Variants in CPS1 observed in about 807,000 individuals in gnomAD.
CPS1 encodes the protein carbamoyl-phosphate synthase [ammonia], mitochondrial.
CPS1 carries 109 observed loss-of-function variants against 174.6 expected under a neutral mutation model. That is an observed-to-expected ratio of 0.62 (90% CI 0.53 to 0.73). The LOEUF is 0.73. Ranked by LOEUF, CPS1 falls within the 30% of genes least tolerant of loss-of-function variation. The pLI is 0.00. For synonymous variants in CPS1, 637 were observed against 632.0 expected, an observed-to-expected ratio of 1.01 and a Z score of -0.12; for missense variants, 1,689 against 1,821.9, an observed-to-expected ratio of 0.93 and a Z score of 1.33.
chr2:210,536,993 A>C (rs1411799866), intron 1 of CPS1, among the ~76,000 whole-genome samples: 1 of 152,224 alleles, frequency 6.6e-6, no homozygotes, highest in Non-Finnish European at 1.5e-5. Context: ...TTTATATCAT[A>C]TTCATGAACA....
At chr2:210,579,660 A>G in intron 4 of CPS1, 54 bp from the exon 5 acceptor site, 2 of 1,402,676 alleles carry the variant, frequency 1.4e-6, no homozygotes, top group Non-Finnish European at 2.0e-6. Flanking sequence ...TGAAAACAAT[A>G]TGCTGGATTT....
intron 27 of CPS1, among the ~76,000 whole-genome samples, chr2:210,649,096 T>C (rs1044978885): frequency 6.6e-6 from 1 of 152,212 alleles, no homozygotes; most frequent in Non-Finnish European, 1.5e-5. Flanking sequence ...TGTTACCACA[T>C]GTAAGGAACA....
chr2:210,591,600 A>G (rs1283868871), intron 9 of CPS1, among the ~76,000 whole-genome samples: 1 of 152,036 alleles, frequency 6.6e-6, no homozygotes, highest in Admixed American at 6.6e-5. Context: ...CCGATTATAG[A>G]ATTTAATAGA....
intron 27 of CPS1, among the ~76,000 whole-genome samples, chr2:210,650,059 G>A (rs114429369): frequency 1.0e-3 from 157 of 152,272 alleles, no homozygotes; most frequent in African/African-American, 3.5e-3. Flanking sequence ...GAGTGTTAAT[G>A]TAGCAAATCA....
At chr2:210,519,090 G>C (rs1427274429) in intron 1 of CPS1, among the ~76,000 whole-genome samples, 2 of 151,980 alleles carry the variant, frequency 1.3e-5, no homozygotes, top group African/African-American at 4.8e-5. Context: ...AGTTTCTGTA[G>C]AAAATTAGAT....
chr2:210,563,649 G>T (rs563852991), intron 1 of CPS1, among the ~76,000 whole-genome samples: 40 of 152,240 alleles, frequency 2.6e-4, no homozygotes, highest in African/African-American at 9.6e-4. Flanking sequence ...AATGCTGATG[G>T]GTTGTGAAAC....
chr2:210,577,229 A>G (rs987139555), intron 3 of CPS1, 192 bp from the exon 4 acceptor site: 2 of 605,800 alleles, frequency 3.3e-6, no homozygotes, highest in Non-Finnish European at 2.9e-6. Context: ...GCTCCCTCTC[A>G]GGATAATTAA....
intron 33 of CPS1, among the ~76,000 whole-genome samples, chr2:210,664,414 A>T (rs896342889): frequency 6.6e-6 from 1 of 151,450 alleles, no homozygotes; most frequent in Non-Finnish European, 1.5e-5. Flanking sequence ...ATCTCAGCTC[A>T]TTGCAGCCTC....
intron 1 of CPS1, among the ~76,000 whole-genome samples, chr2:210,505,420 G>C (rs11696008): frequency 0.61 from 92,603 of 151,676 alleles, 28,641 homozygotes; most frequent in South Asian, 0.68. Flanking sequence ...CAGCAGAATC[G>C]GGCCAAATAG....
intron 21 of CPS1, among the ~76,000 whole-genome samples, chr2:210,630,019 G>A (rs1479111291): frequency 2.0e-5 from 3 of 151,416 alleles, no homozygotes; most frequent in African/African-American, 7.3e-5. Context: ...TTTGCAGTGA[G>A]CCGAGATCCT....
chr2:210,628,349 T>A (rs1699755352), intron 21 of CPS1, among the ~76,000 whole-genome samples: 1 of 152,188 alleles, frequency 6.6e-6, no homozygotes, highest in Non-Finnish European at 1.5e-5. Context: ...CAACATAGAC[T>A]GAATATGACA....
chr2:210,677,172 G>A, intron 37 of CPS1, 36 bp downstream of exon 37: 1 of 1,606,732 alleles, frequency 6.2e-7, no homozygotes, highest in Non-Finnish European at 8.5e-7. Flanking sequence ...CTGGATGGGA[G>A]TTTTATTTCT....
At chr2:210,661,260 A>G (rs1027052722) in intron 32 of CPS1, among the ~76,000 whole-genome samples, 26 of 152,312 alleles carry the variant, frequency 1.7e-4, no homozygotes, top group African/African-American at 5.8e-4. Context: ...CTTAATAATA[A>G]AGCCATTGTG....
Position 210,677,155 on chromosome 2 carries a change from A to T in CPS1, c.4404+19A>T. On this transcript the variant is annotated intron_variant, in intron 37 of 37. Transcript: ENST00000233072. ...TTTTCAGGTATAGTCTTTTCCTTGG[A>T]TATAGACTGGATGGGAGTTTTATTT... The T allele has an allele frequency of 6.2e-7, 1 of 1,611,944 alleles. No individual in the cohort carries two copies. Among genetic ancestry groups the T allele is most frequent in the Non-Finnish European group, 8.5e-7 (1 of 1,178,062 alleles).
intron 10 of CPS1, 57 bp from the exon 11 acceptor site, chr2:210,592,822 C>A: frequency 6.7e-7 from 1 of 1,483,854 alleles, no homozygotes; most frequent in South Asian, 1.1e-5. Context: ...TAATACATAG[C>A]CACACTTGAC....
chr2:210,492,406 A>G (rs1694896659), intron 1 of CPS1, among the ~76,000 whole-genome samples: 1 of 152,350 alleles, frequency 6.6e-6, no homozygotes, highest in Middle Eastern at 3.4e-3. Flanking sequence ...AATGCAAGTA[A>G]AAGCATTTAC....
intron 6 of CPS1, among the ~76,000 whole-genome samples, chr2:210,586,019 C>T (rs377047315): frequency 3.3e-5 from 5 of 151,514 alleles, no homozygotes; most frequent in Admixed American, 6.6e-5. Flanking sequence ...AGAGTTCCAG[C>T]GTGAGAGTTT....
At chr2:210,505,041 C>T (rs1216005498) in intron 1 of CPS1, among the ~76,000 whole-genome samples, 1 of 151,746 alleles carries the variant, frequency 6.6e-6, no homozygotes, top group African/African-American at 2.4e-5. Context: ...CAACAGAAGT[C>T]TGGAAGAAGG....
chr2:210,595,353 C>T (rs965025456), intron 12 of CPS1, 134 bp from the exon 13 acceptor site: 3 of 695,328 alleles, frequency 4.3e-6, no homozygotes, highest in Non-Finnish European at 7.8e-6. Flanking sequence ...CTATATATTA[C>T]ATATTTTTCA....
Sources: gnomAD v4.1 joint callset for allele counts (sites outside exome capture counted in the v4.1 genomes callset) on GRCh38, gnomAD v4.1.1 for gene constraint, MANE v1.5 for transcripts, NCBI Gene and HGNC (gene_info 2026-07-23, HGNC 2026-07-21) for gene names.